The following CARMIL3 variants were observed in gnomAD, a reference collection of about 807,000 sequenced individuals.
The protein encoded by CARMIL3 is capping protein, Arp2/3 and myosin-I linker protein 3.
CARMIL3 carries 88 observed loss-of-function variants against 180.8 expected under a neutral mutation model. That is an observed-to-expected ratio of 0.49 (90% CI 0.41 to 0.58). The LOEUF is 0.58. Among genes scored for constraint, CARMIL3 ranks in the 20% least tolerant of loss-of-function variants. The probability of loss-of-function intolerance (pLI) is 0.00; values close to 1 mark genes in which losing one functional copy is unlikely to be tolerated. For synonymous variants in CARMIL3, 696 were observed against 714.5 expected (o/e 0.97, Z 0.41); for missense variants, 1,548 against 1,787.0 (o/e 0.87, Z 2.41).
Position 24,065,246 on chromosome 14 carries a change from C to T in CARMIL3, c.3369C>T (p.Gly1123=). The change falls in exon 33 of 40, where the codon GGC becomes GGT. Residue 1123 remains glycine, a synonymous_variant. Transcript: ENST00000342740. The part of the protein sequence containing the change: ...ESSLLPGFGG[G]RGPSFRRKMG... ...GCCTCCTCCCTGGATTTGGTGGGGG[C>T]CGGGGACCTTCCTTCCGCCGGAAGA... The T allele has an allele frequency of 1.3e-6, 2 of 1,544,776 alleles. No homozygotes were observed. The highest frequency in any genetic ancestry group is 2.1e-5 in the Admixed American group (1 of 47,752).
rs1794606091 is a variant in CARMIL3, at chr14:24,061,424, A to G, written c.2305-73A>G. Reference sequence around the variant, plus strand: ...CAGCAGGAGGGGCTGGAATAGATAAAGTCTCTTCTGCTGTGGTGCCAGCCC... The same window carrying G: ...CAGCAGGAGGGGCTGGAATAGATAAGGTCTCTTCTGCTGTGGTGCCAGCCC... On this transcript the variant is annotated intron_variant, in intron 26 of 39. Coordinates refer to ENST00000342740, the MANE Select transcript of CARMIL3 (RefSeq NM_138360.4). The surrounding 1 kb of genome is among the most constrained non-coding windows in gnomAD (Gnocchi z 4.1). 1 of 1,472,084 alleles carries G rather than the reference A, an allele frequency of 6.8e-7. No individual in the cohort carries two copies. Among genetic ancestry groups the G allele is most frequent in the Admixed American group, 2.0e-5 (1 of 48,802 alleles). The allele number at this position is 1,472,084 out of a possible 1,614,324, so 91.2% of individuals were successfully genotyped here.
chr14:24,065,151 C>A lies in CARMIL3; in HGVS notation c.3274C>A (p.Pro1092Thr), dbSNP rs1048818113. 1 of 1,351,804 alleles carries A rather than the reference C, an allele frequency of 7.4e-7. No homozygotes were observed. Among genetic ancestry groups the A allele is most frequent in the Non-Finnish European group, 9.7e-7 (1 of 1,026,622 alleles). The allele number at this position is 1,351,804 out of a possible 1,614,324, so 83.7% of individuals were successfully genotyped here. ...ACCCCCTCCCCCGACTCAGGAGAGC[C>A]CCCCTAGCCCAGACCCCCCAAGCCT... ...PPPPPPTQES[P>T]PSPDPPSLGN... is the part of the protein sequence containing the mutation. Residue 1092 changes from proline (P) to threonine (T), a missense_variant, in exon 33 of 40, where the codon CCC becomes ACC. By Grantham distance (38) the Pro-to-Thr change is conservative. Coordinates refer to ENST00000342740, the MANE Select transcript of CARMIL3 (RefSeq NM_138360.4).
intron 36 of CARMIL3, among the ~76,000 whole-genome samples, chr14:24,068,286 G>T (rs2035810888): frequency 6.6e-6 from 1 of 151,890 alleles, no homozygotes; most frequent in Admixed American, 6.6e-5. Context: ...AGTCCCAGTT[G>T]TTCGGGAGGC....
chr14:24,057,344 G>T, intron 14 of CARMIL3, 100 bp downstream of exon 14: 1 of 1,095,316 alleles, frequency 9.1e-7, no homozygotes. Context: ...GGCGGGCAGA[G>T]CTGTCTAGAT....
chr14:24,060,803 A>G (rs1226308328), intron 25 of CARMIL3, 47 bp downstream of exon 25: 1 of 1,598,090 alleles, frequency 6.3e-7, no homozygotes, highest in Admixed American at 1.7e-5. Flanking sequence ...GGAGAACCCA[A>G]GAAGGCCGAC....
chr14:24,056,312 A>C lies in CARMIL3; in HGVS notation c.784A>C (p.Lys262Gln). 6.2e-7 allele frequency: 1 copy of C among 1,613,924 alleles called. No individual in the cohort carries two copies. Among genetic ancestry groups the C allele is most frequent in the South Asian group, 1.1e-5 (1 of 91,070 alleles). Residue 262 changes from lysine to glutamine, a missense_variant, in exon 11 of 40, where the codon AAG (lysine) becomes CAG (glutamine). This residue lies in a region of CARMIL3 where 578 missense variants were observed against 666.5 expected (regional missense o/e 0.87). Transcript: ENST00000342740. ...NAGLKTDFVQ[K>Q]LAGVFGENGS... ...CCTTCCCTGAAGGGACTTTGTCCAG[A>C]AGCTGGCCGGGGTGTTTGGGGAGAA...
At chr14:24,053,946 G>T (rs2035644695) in intron 2 of CARMIL3, 142 bp from the exon 3 acceptor site, 2 of 1,165,034 alleles carry the variant, frequency 1.7e-6, no homozygotes, top group South Asian at 1.4e-5. Context: ...GGCAGGGCTG[G>T]ACTGTGTTGA....
Position 24,064,983 on chromosome 14 carries a change from C to G in CARMIL3, c.3106C>G (p.Arg1036Gly). 6.2e-7 allele frequency: 1 copy of G among 1,611,870 alleles called. No individual in the cohort carries two copies. The highest frequency in any genetic ancestry group is 8.5e-7 in the Non-Finnish European group (1 of 1,179,488). Reference sequence around the variant, plus strand: ...CTACCCCCGGACTCTGAGGACCGTGCGGCCAGGACTCTCGGAGGCACCGCT... The same window carrying G: ...CTACCCCCGGACTCTGAGGACCGTGGGGCCAGGACTCTCGGAGGCACCGCT... ...SSYPRTLRTV[R>G]PGLSEAPLPP... The change falls in exon 33 of 40, where the codon CGG (arginine) becomes GGG (glycine). Residue 1036 changes from arginine (R) to glycine (G), a missense_variant. Coordinates refer to ENST00000342740, the MANE Select transcript of CARMIL3 (RefSeq NM_138360.4).
intron 32 of CARMIL3, 134 bp downstream of exon 32, chr14:24,064,480 A>G (rs2035765326): frequency 4.3e-6 from 3 of 690,686 alleles, no homozygotes; most frequent in Non-Finnish European, 7.6e-6. Flanking sequence ...ATTTCCCCAC[A>G]TTCTCATCCT....
At chr14:24,056,032 T>C (rs2035668543) in intron 10 of CARMIL3, among the ~76,000 whole-genome samples, 1 of 152,152 alleles carries the variant, frequency 6.6e-6, no homozygotes, top group South Asian at 2.1e-4. Context: ...GTCCTCTTTT[T>C]CCATTAACTA....
intron 36 of CARMIL3, among the ~76,000 whole-genome samples, chr14:24,068,186 C>T (rs558610295): frequency 1.7e-4 from 26 of 152,294 alleles, no homozygotes; most frequent in Admixed American, 1.6e-3. Context: ...ATCACTAGGT[C>T]AAGAGATCGA....
At chr14:24,065,807 T>G in intron 34 of CARMIL3, 57 bp downstream of exon 34, 1 of 1,584,524 alleles carries the variant, frequency 6.3e-7, no homozygotes, top group Non-Finnish European at 8.6e-7. Flanking sequence ...TCCACCACCC[T>G]CTCCTTCCCA....
Position 24,068,720 on chromosome 14 carries a change from G to A in CARMIL3, c.3801+18G>A. ...ATGCCAAGGTGAGAGCTGGCAAGAT[G>A]GGTGGGGGAGGCACTTTGATGAGGC... On this transcript the variant is annotated intron_variant, in intron 37 of 39. Coordinates refer to ENST00000342740, the MANE Select transcript of CARMIL3 (RefSeq NM_138360.4). 6.2e-7 allele frequency: 1 copy of A among 1,613,416 alleles called. No homozygotes were observed. The highest frequency in any genetic ancestry group is 8.5e-7 in the Non-Finnish European group (1 of 1,179,614).
At position 24,069,539 on chromosome 14, in the gene CARMIL3, A is replaced by C; in HGVS notation, c.*135A>C. 8.6e-7 allele frequency: 1 copy of C among 1,164,628 alleles called. No individual in the cohort carries two copies. Among genetic ancestry groups the C allele is most frequent in the South Asian group, 1.4e-5 (1 of 70,206 alleles). 72.1% of individuals were successfully genotyped at this position (1,164,628 alleles called of 1,614,324 possible). A position where few individuals can be genotyped will look rare whatever the true frequency, so the allele number is the denominator to read the frequency against. The stretch of plus-strand genomic sequence containing the variant: ...AAGACGGCAGGACCAGGCATGGGGG[A>C]GCTGGAGGCAGGGACTAGAACAGAG... On this transcript the variant is annotated 3_prime_UTR_variant, in exon 40 of 40. Transcript: ENST00000342740.
intron 34 of CARMIL3, 152 bp downstream of exon 34, chr14:24,065,902 C>G: frequency 8.8e-7 from 1 of 1,133,106 alleles, no homozygotes; most frequent in African/African-American, 1.6e-5. Context: ...CCACCACACA[C>G]TTGCCGTGGA....
chr14:24,059,443 G>T lies in CARMIL3; in HGVS notation c.1799+1G>T. The T allele has an allele frequency of 1.3e-6, 2 of 1,566,748 alleles. No individual in the cohort carries two copies. Among genetic ancestry groups the T allele is most frequent in the Non-Finnish European group, 1.7e-6 (2 of 1,155,796 alleles). On this transcript the variant is annotated splice_donor_variant, in intron 21 of 39. Coordinates refer to ENST00000342740, the MANE Select transcript of CARMIL3 (RefSeq NM_138360.4). LOFTEE classifies it high-confidence loss of function. The surrounding 1 kb of genome is among the most constrained non-coding windows in gnomAD (Gnocchi z 6.3). ...CCCTGCAGATAAACTCCTCCCTCAG[G>T]TGGGGCCCACACCGGGACCCCCTGA...
At chr14:24,062,614 C>G (rs1472881778) in intron 28 of CARMIL3, 47 bp downstream of exon 28, 8 of 1,613,202 alleles carry the variant, frequency 5.0e-6, no homozygotes, top group Non-Finnish European at 6.8e-6. Context: ...CGCCCTCCAC[C>G]CCACATTATC....
At position 24,060,000 on chromosome 14, in the gene CARMIL3, C is replaced by T. The variant is rs61564890; in HGVS notation, c.1899C>T (p.Pro633=). 138,250 of 1,613,882 alleles carry T rather than the reference C, an allele frequency of 0.086. 12,250 individuals are homozygous for T. Among genetic ancestry groups the T allele is most frequent in the East Asian group, 0.49 (21,946 of 44,864 alleles). ...ACACGCTGCGCTTCATGTCCTTCCC[C>T]GTGAGCGACATCTCCCAAGCCTATC... ...SNHTLRFMSF[P]VSDISQAYRS... The change falls in exon 23 of 40, where the codon CCC becomes CCT. Residue 633 remains proline (P), a synonymous_variant. Transcript: ENST00000342740. The surrounding 1 kb of genome is among the most constrained non-coding windows in gnomAD (Gnocchi z 6.3).
At position 24,068,659 on chromosome 14, in the gene CARMIL3, G is replaced by A; in HGVS notation, c.3758G>A (p.Gly1253Glu). Residue 1253 changes from glycine to glutamate, a missense_variant, in exon 37 of 40, where the codon GGG becomes GAG. By Grantham distance (98) the Gly-to-Glu change is moderately conservative. Around this residue, in one of 4 missense-constraint regions of CARMIL3, gnomAD observed 668 missense variants for 687.8 expected, o/e 0.97. Transcript: ENST00000342740. ...ASQDGEEEKE[G>E]TLFPERTLPA... ...CAAGATGGGGAAGAGGAGAAGGAGG[G>A]GACCCTCTTCCCAGAGAGGACACTT... 1.2e-6 allele frequency: 2 copies of A among 1,613,922 alleles called. No individual in the cohort carries two copies. Among genetic ancestry groups the A allele is most frequent in the Non-Finnish European group, 1.7e-6 (2 of 1,179,944 alleles).
Sources: gnomAD v4.1 joint callset for allele counts (sites outside exome capture counted in the v4.1 genomes callset) on GRCh38, gnomAD v4.1.1 for gene constraint, gnomAD v4.1.1 regional missense constraint, Gnocchi (gnomAD v3.1) non-coding constraint, MANE v1.5 for transcripts, NCBI Gene and HGNC (gene_info 2026-07-23, HGNC 2026-07-21) for gene names.